IGSF21: variants seen among roughly 807,000 people sequenced by gnomAD.
The protein encoded by IGSF21 is immunoglobin superfamily member 21.
Under a neutral mutation model 46.8 loss-of-function variants are expected in IGSF21, and 28 were observed. The ratio of observed to expected loss-of-function variants is 0.60; its 90% CI spans 0.44 to 0.82. The LOEUF is 0.82. Ranked by LOEUF, IGSF21 falls within the 40% of genes least tolerant of loss-of-function variation. IGSF21 has a pLI of 0.00. For missense variants in IGSF21, 624 were observed against 665.5 expected (o/e 0.94, Z 0.69); for synonymous variants, 284 against 273.6 (o/e 1.04, Z -0.38).
chr1:18,336,810 G>C (rs1425352524), intron 4 of IGSF21, among the ~76,000 whole-genome samples: 1 of 152,178 alleles, frequency 6.6e-6, no homozygotes, highest in Non-Finnish European at 1.5e-5. Context: ...AAAGAAAGAG[G>C]TTTAATGGAA....
chr1:18,159,685 C>CT (rs11371899), intron 1 of IGSF21, among the ~76,000 whole-genome samples: 87,535 of 138,448 alleles, frequency 0.63, 28,033 homozygotes, highest in Middle Eastern at 0.73. Context: ...TCGGGTATGT[C>CT]TTTTTTTTTT....
At chr1:18,252,304 C>T (rs1225419757) in intron 2 of IGSF21, among the ~76,000 whole-genome samples, 3 of 152,108 alleles carry the variant, frequency 2.0e-5, no homozygotes, top group South Asian at 2.1e-4. Flanking sequence ...CCACCTCGGC[C>T]TCCCAAAGTG....
chr1:18,215,113 C>T (rs1470672998), intron 1 of IGSF21, among the ~76,000 whole-genome samples: 2 of 152,190 alleles, frequency 1.3e-5, no homozygotes, highest in African/African-American at 4.8e-5. Flanking sequence ...AGAAATCTGC[C>T]CCCGTGATCC....
In IGSF21 at chr1:18,363,099, C is replaced by T. The variant is rs543353803; in HGVS notation, c.540+869C>T. Among the ~76,000 whole-genome samples the T allele has an allele frequency of 3.3e-5, 5 of 152,302 alleles. No individual in the cohort carries two copies. In the East Asian group the frequency reaches 7.7e-4, roughly 23 times the overall value. On this transcript the variant is annotated intron_variant, in intron 5 of 9. Coordinates refer to ENST00000251296, the MANE Select transcript of IGSF21 (RefSeq NM_032880.5). Reference sequence around the variant, plus strand: ...GAGAGGCCAAGTCACTCTCATTGCACCTGAAGCACCTCTGTAGAACCCGTA... The same window carrying T: ...GAGAGGCCAAGTCACTCTCATTGCATCTGAAGCACCTCTGTAGAACCCGTA...
chr1:18,270,954 A>T (rs1285774020), intron 2 of IGSF21, among the ~76,000 whole-genome samples: 1 of 152,226 alleles, frequency 6.6e-6, no homozygotes, highest in African/African-American at 2.4e-5. Flanking sequence ...TGACCGTGCA[A>T]GTAATTTTCA....
chr1:18,122,193 C>CTTTTTT (rs766563472), intron 1 of IGSF21, among the ~76,000 whole-genome samples: 50 of 78,722 alleles, frequency 6.4e-4, no homozygotes, highest in African/African-American at 1.3e-3. Flanking sequence ...TTCTTTCTTT[C>CTTTTTT]TTTTTTTTTT....
intron 5 of IGSF21, among the ~76,000 whole-genome samples, chr1:18,364,618 T>A (rs1424815650): frequency 1.3e-5 from 2 of 151,670 alleles, no homozygotes; most frequent in African/African-American, 4.9e-5. Context: ...AAAACTTGAG[T>A]TCCCCGTTAG....
chr1:18,139,848 G>A (rs1456904640), intron 1 of IGSF21, among the ~76,000 whole-genome samples: 1 of 152,188 alleles, frequency 6.6e-6, no homozygotes, highest in African/African-American at 2.4e-5. Context: ...GCACAGGGCA[G>A]GCCAGAAGTG....
chr1:18,308,803 G>A (rs1373466102), intron 3 of IGSF21, among the ~76,000 whole-genome samples: 3 of 152,122 alleles, frequency 2.0e-5, no homozygotes, highest in Admixed American at 2.0e-4. Context: ...AGACCTGTGG[G>A]CCCAGCAGAG....
intron 1 of IGSF21, chr1:18,179,410 G>C (rs1357590767): frequency 2.0e-5 from 3 of 152,130 alleles, no homozygotes; most frequent in Admixed American, 6.5e-5. Flanking sequence ...GTCCAGCACT[G>C]TTACCTCCGT....
chr1:18,123,221 C>T (rs2086249920), intron 1 of IGSF21, among the ~76,000 whole-genome samples: 1 of 152,178 alleles, frequency 6.6e-6, no homozygotes, highest in Admixed American at 6.5e-5. Context: ...CCCACCTATG[C>T]TCAAAATATT....
chr1:18,131,580 T>A (rs2124416884), intron 1 of IGSF21, among the ~76,000 whole-genome samples: 1 of 152,342 alleles, frequency 6.6e-6, no homozygotes, highest in South Asian at 2.1e-4. Flanking sequence ...ATGGTAACAC[T>A]TGTTGCTATA....
intron 1 of IGSF21, among the ~76,000 whole-genome samples, chr1:18,149,206 ACATGGG>A (rs1278683115): frequency 1.3e-5 from 2 of 152,142 alleles, no homozygotes; most frequent in East Asian, 3.9e-4. Context: ...CAATGCTGGG[ACATGGG>A]CCAGCAGCCT....
At chr1:18,353,075 A>G (rs2085974615) in intron 4 of IGSF21, among the ~76,000 whole-genome samples, 2 of 152,208 alleles carry the variant, frequency 1.3e-5, no homozygotes, top group South Asian at 2.1e-4. Context: ...TGCAGCCCAT[A>G]TAAGCACAGA....
intron 2 of IGSF21, among the ~76,000 whole-genome samples, chr1:18,259,824 C>G (rs954305901): frequency 6.6e-6 from 1 of 152,118 alleles, no homozygotes; most frequent in South Asian, 2.1e-4. Flanking sequence ...TAGGCAATGG[C>G]GGGCTTGGGA....
intron 1 of IGSF21, among the ~76,000 whole-genome samples, chr1:18,141,697 G>C (rs1429732220): frequency 7.2e-5 from 11 of 152,074 alleles, no homozygotes; most frequent in Non-Finnish European, 2.9e-5. Context: ...GTAAAGACGG[G>C]GACAATAATA....
At chr1:18,310,898 C>T (rs1338358555) in intron 3 of IGSF21, among the ~76,000 whole-genome samples, 1 of 152,162 alleles carries the variant, frequency 6.6e-6, no homozygotes, top group South Asian at 2.1e-4. Flanking sequence ...CATCATCACA[C>T]GGCGTTCTCC....
At chr1:18,116,616 A>G (rs561551263) in intron 1 of IGSF21, among the ~76,000 whole-genome samples, 1 of 152,302 alleles carries the variant, frequency 6.6e-6, no homozygotes, top group Non-Finnish European at 1.5e-5. Flanking sequence ...TCCACGATCC[A>G]GTCACTTCCA....
intron 2 of IGSF21, among the ~76,000 whole-genome samples, chr1:18,258,161 A>G (rs886545405): frequency 4.6e-5 from 7 of 152,150 alleles, no homozygotes; most frequent in Admixed American, 3.3e-4. Flanking sequence ...CCCACCAAGG[A>G]TACACAAGCA....
Sources: gnomAD v4.1 joint callset for allele counts (sites outside exome capture counted in the v4.1 genomes callset) on GRCh38, gnomAD v4.1.1 for gene constraint, MANE v1.5 for transcripts, NCBI Gene and HGNC (gene_info 2026-07-23, HGNC 2026-07-21) for gene names.